ABCC4: variants seen among roughly 807,000 people sequenced by gnomAD.
The protein encoded by ABCC4 is ATP binding cassette subfamily C member 4 (PEL blood group).
A neutral mutation model predicts 168.5 loss-of-function variants in ABCC4; 102 were observed. That is an observed-to-expected ratio of 0.61 (90% CI 0.52 to 0.71). The LOEUF is 0.71. Ranked by LOEUF, ABCC4 falls within the 30% of genes least tolerant of loss-of-function variation. The probability of loss-of-function intolerance (pLI) is 0.00; values close to 1 mark genes in which losing one functional copy is unlikely to be tolerated. For synonymous variants in ABCC4, 617 were observed against 590.7 expected, an observed-to-expected ratio of 1.04 and a Z score of -0.65; for missense variants, 1,402 against 1,605.8, an observed-to-expected ratio of 0.87 and a Z score of 2.17.
intron 19 of ABCC4, among the ~76,000 whole-genome samples, chr13:95,128,263 G>A (rs959193080): frequency 1.3e-5 from 2 of 152,146 alleles, no homozygotes; most frequent in African/African-American, 4.8e-5. Context: ...TATACACATT[G>A]GAGTCTATTT....
intron 29 of ABCC4, among the ~76,000 whole-genome samples, chr13:95,040,918 G>T (rs1335447597): frequency 6.6e-6 from 1 of 152,192 alleles, no homozygotes; most frequent in East Asian, 1.9e-4. Flanking sequence ...CACTCCCGAA[G>T]AATTCTCTAA....
chr13:95,217,802 C>T (rs1404029512), intron 4 of ABCC4, among the ~76,000 whole-genome samples: 1 of 152,170 alleles, frequency 6.6e-6, no homozygotes, highest in Non-Finnish European at 1.5e-5. Flanking sequence ...AAATTCCTCA[C>T]AACAATATGG....
intron 20 of ABCC4, among the ~76,000 whole-genome samples, chr13:95,115,281 T>TC (rs935376527): frequency 5.3e-5 from 8 of 151,286 alleles, no homozygotes; most frequent in African/African-American, 1.9e-4. Context: ...TGGTTTTTTT[T>TC]TTTTAAAGAC....
intron 9 of ABCC4, among the ~76,000 whole-genome samples, chr13:95,191,564 C>T (rs2038252194): frequency 6.6e-6 from 1 of 152,144 alleles, no homozygotes; most frequent in South Asian, 2.1e-4. Flanking sequence ...TAAGTGCAAA[C>T]TTGTCACAAA....
At chr13:95,182,845 G>A (rs2037940789) in intron 11 of ABCC4, among the ~76,000 whole-genome samples, 1 of 152,138 alleles carries the variant, frequency 6.6e-6, no homozygotes, top group Admixed American at 6.5e-5. Context: ...TTAGTATGTT[G>A]TTTCCTGAGG....
At chr13:95,093,172 AC>A (rs1408627807) in intron 20 of ABCC4, among the ~76,000 whole-genome samples, 2 of 152,006 alleles carry the variant, frequency 1.3e-5, no homozygotes, top group Admixed American at 6.6e-5. Context: ...GAAAGAAGGA[AC>A]CCTCCCTAAT....
chr13:95,106,548 A>C (rs1478112028), intron 20 of ABCC4, among the ~76,000 whole-genome samples: 2 of 151,392 alleles, frequency 1.3e-5, no homozygotes, highest in Non-Finnish European at 1.5e-5. Flanking sequence ...AAAAAAAAAT[A>C]AAAAAAAGAA....
chr13:95,218,971 A>AAGAGTG (rs1243990189), intron 4 of ABCC4, among the ~76,000 whole-genome samples: 1 of 38,994 alleles, frequency 2.6e-5, no homozygotes, highest in Admixed American at 2.0e-4. Context: ...GAAAGAAAGA[A>AAGAGTG]AGAAAGAAAG....
intron 30 of ABCC4, among the ~76,000 whole-genome samples, chr13:95,026,310 C>T (rs556858173): frequency 6.6e-6 from 1 of 151,828 alleles, no homozygotes; most frequent in African/African-American, 2.4e-5. Context: ...TTAGCCAATG[C>T]TGAAAAAACA....
chr13:95,055,668 T>A (rs2033024648), intron 26 of ABCC4: 1 of 152,028 alleles, frequency 6.6e-6, no homozygotes, highest in African/African-American at 2.4e-5. Flanking sequence ...GGTTCACTGG[T>A]GGTCAGAAGT....
intron 26 of ABCC4, among the ~76,000 whole-genome samples, chr13:95,057,007 A>G (rs753667808): frequency 6.6e-6 from 1 of 152,192 alleles, no homozygotes; most frequent in South Asian, 2.1e-4. Flanking sequence ...ATCCTAAAAA[A>G]AGTTTTGAAA....
chr13:95,042,421 G>A (rs183914827), intron 29 of ABCC4, among the ~76,000 whole-genome samples: 3 of 152,308 alleles, frequency 2.0e-5, no homozygotes, highest in East Asian at 1.9e-4. Flanking sequence ...TGAATGCTGC[G>A]TTTGATGAAC....
chr13:95,287,255 G>C (rs960205145), intron 1 of ABCC4, among the ~76,000 whole-genome samples: 2 of 151,888 alleles, frequency 1.3e-5, no homozygotes, highest in Non-Finnish European at 2.9e-5. Context: ...TTGTGCCACT[G>C]CACTCCAGCC....
rs199679436 is a variant in ABCC4 at position 95,162,831 on chromosome 13, A to C, written c.2308+291T>G. On this transcript the variant is annotated intron_variant, in intron 18 of 30. Transcript: ENST00000645237. ...TAATGATATAAGATTTAGCTAAAGC[A>C]ACCTATTAGAATAGACAATAGCCAC... Among the ~76,000 whole-genome samples, 37 of 152,354 alleles carry C rather than the reference A, an allele frequency of 2.4e-4. No homozygotes were observed. The East Asian group carries it at 6.7e-3, about 28-fold the overall frequency.
chr13:95,279,649 C>T lies in ABCC4; in HGVS notation c.74+21592G>A, dbSNP rs145166997. ...GGCGAGGCAAGGCCCTCCTGAAATA[C>T]CTCAACCCAAATCTTCAAGAAATCC... On this transcript the variant is annotated intron_variant, in intron 1 of 30. Transcript: ENST00000645237. 5.2e-3 allele frequency among the ~76,000 whole-genome samples: 799 copies of T among 152,266 alleles called. 7 individuals carry two copies. The highest frequency in any genetic ancestry group is 0.019 in the African/African-American group (770 of 41,542).
chr13:95,139,037 T>G (rs563402557), intron 19 of ABCC4, among the ~76,000 whole-genome samples: 46 of 152,340 alleles, frequency 3.0e-4, no homozygotes, highest in Admixed American at 3.9e-4. Flanking sequence ...CCTGGGCCTC[T>G]CCTTCCACGG....
At position 95,183,588 on chromosome 13, in the gene ABCC4, C is replaced by T. The variant is rs138685882; in HGVS notation, c.1545+3113G>A. On this transcript the variant is annotated intron_variant, in intron 11 of 30. Coordinates refer to ENST00000645237, the MANE Select transcript of ABCC4 (RefSeq NM_005845.5). The stretch of plus-strand genomic sequence containing the variant: ...TATTTCTCAGCAGAGACATCAAAAG[C>T]CCAAGGCAAGTAATGTGACAAGTCC... Among the ~76,000 whole-genome samples the T allele has an allele frequency of 4.2e-3, 647 of 152,278 alleles. 3 individuals are homozygous for T. The highest frequency in any genetic ancestry group is 8.5e-3 in the Admixed American group (130 of 15,300).
intron 14 of ABCC4, among the ~76,000 whole-genome samples, chr13:95,167,174 T>A (rs1038261593): frequency 7.5e-6 from 1 of 132,678 alleles, no homozygotes; most frequent in African/African-American, 3.1e-5. Flanking sequence ...CGAAACTCCA[T>A]CTCATAAATA....
intron 29 of ABCC4, among the ~76,000 whole-genome samples, chr13:95,038,206 ACT>A (rs761377437): frequency 1.6e-4 from 24 of 151,980 alleles, no homozygotes; most frequent in South Asian, 4.2e-4. Flanking sequence ...AGCAAGTGAC[ACT>A]CTGCCAAAAC....
Sources: allele counts gnomAD v4.1 joint callset (sites outside exome capture counted in the v4.1 genomes callset), GRCh38; gene constraint gnomAD v4.1.1; transcripts MANE v1.5; gene names NCBI Gene and HGNC (gene_info 2026-07-23, HGNC 2026-07-21).